The following PREX1 variants were observed in gnomAD, a reference collection of about 807,000 sequenced individuals.
PREX1 encodes the protein phosphatidylinositol 3,4,5-trisphosphate-dependent Rac exchanger 1 protein.
PREX1 carries 41 observed loss-of-function variants against 198.3 expected under a neutral mutation model. That is an observed-to-expected ratio of 0.21 (90% CI 0.16 to 0.27). PREX1 has a LOEUF of 0.27. PREX1 is among the 10% of genes least tolerant of loss of function. PREX1 has a pLI of 1.00. For synonymous variants in PREX1, 843 were observed against 887.2 expected (o/e 0.95, Z 0.89); for missense variants, 1,620 against 2,200.7 (o/e 0.74, Z 5.28).
chr20:48,862,826 A>AT, the PREX1 span, among the ~76,000 whole-genome samples: 3,023 of 125,996 alleles, frequency 0.024, 179 homozygotes, highest in African/African-American at 0.091. Flanking sequence ...AATAAACGTT[A>AT]TTTTTTTTTT....
chr20:48,765,482 T>C (rs1361795998), intron 1 of PREX1, among the ~76,000 whole-genome samples: 1 of 152,194 alleles, frequency 6.6e-6, no homozygotes, highest in African/African-American at 2.4e-5. Flanking sequence ...TGCCTGCATT[T>C]CCAATGAAAC....
intron 7 of PREX1, among the ~76,000 whole-genome samples, chr20:48,697,002 A>C (rs1002057249): frequency 4.8e-5 from 7 of 146,052 alleles, no homozygotes; most frequent in East Asian, 3.9e-4. Context: ...ACACACACAC[A>C]CCCTATTGGG....
intron 1 of PREX1, among the ~76,000 whole-genome samples, chr20:48,810,890 A>G (rs1334017647): frequency 6.6e-6 from 1 of 152,076 alleles, no homozygotes; most frequent in Non-Finnish European, 1.5e-5. Context: ...TCCTCCTCAA[A>G]AAAAAAATAA....
chr20:48,773,690 A>G (rs1293546724), intron 1 of PREX1, among the ~76,000 whole-genome samples: 1 of 152,214 alleles, frequency 6.6e-6, no homozygotes, highest in Non-Finnish European at 1.5e-5. Context: ...AGGTGAGAGC[A>G]GGAAGAAACG....
intron 1 of PREX1, among the ~76,000 whole-genome samples, chr20:48,819,998 G>A (rs2090477398): frequency 1.3e-5 from 2 of 152,204 alleles, no homozygotes. Flanking sequence ...ATGGCCACCT[G>A]CCTGCACCAG....
the PREX1 span, among the ~76,000 whole-genome samples, chr20:48,867,098 A>G: frequency 1.3e-5 from 2 of 152,188 alleles, no homozygotes; most frequent in Non-Finnish European, 2.9e-5. Flanking sequence ...TGCAGCCCAC[A>G]CAACCCCAAC....
chr20:48,883,089 C>T, the PREX1 span, among the ~76,000 whole-genome samples: 11 of 152,074 alleles, frequency 7.2e-5, no homozygotes, highest in African/African-American at 2.7e-4. Context: ...CATGCCACCA[C>T]GCCCAGCTAC....
At chr20:48,777,158 G>A (rs1447841926) in intron 1 of PREX1, among the ~76,000 whole-genome samples, 1 of 152,162 alleles carries the variant, frequency 6.6e-6, no homozygotes, top group African/African-American at 2.4e-5. Context: ...AAGGCACACT[G>A]GGAAGGGGGA....
intron 1 of PREX1, among the ~76,000 whole-genome samples, chr20:48,762,690 G>A (rs2090187369): frequency 6.7e-6 from 1 of 149,056 alleles, no homozygotes; most frequent in Non-Finnish European, 1.5e-5. Flanking sequence ...ACTGCTAATG[G>A]TATGAAGTTT....
At chr20:48,794,329 A>G (rs2090350883) in intron 1 of PREX1, among the ~76,000 whole-genome samples, 1 of 152,232 alleles carries the variant, frequency 6.6e-6, no homozygotes, top group Non-Finnish European at 1.5e-5. Context: ...AGACAGAAAA[A>G]CAGAGAGAGG....
intron 5 of PREX1, among the ~76,000 whole-genome samples, chr20:48,723,673 G>A (rs1018013147): frequency 7.9e-5 from 12 of 152,168 alleles, no homozygotes; most frequent in Admixed American, 3.9e-4. Context: ...CCACCCCATC[G>A]CTTTTCCTGC....
the PREX1 span, among the ~76,000 whole-genome samples, chr20:48,871,755 T>A: frequency 8.2e-6 from 1 of 121,856 alleles, no homozygotes; most frequent in Non-Finnish European, 1.7e-5. Context: ...AATAATAGTC[T>A]ATATTGTGAA....
At chr20:48,871,659 T>C in the PREX1 span, among the ~76,000 whole-genome samples, 1 of 76,548 alleles carries the variant, frequency 1.3e-5, no homozygotes, top group Non-Finnish European at 2.6e-5. Flanking sequence ...GCGTCAGTCC[T>C]GGCTCAACCT....
At chr20:48,869,859 C>T in the PREX1 span, among the ~76,000 whole-genome samples, 1 of 152,012 alleles carries the variant, frequency 6.6e-6, no homozygotes, top group African/African-American at 2.4e-5. Flanking sequence ...GCAGGGTAAG[C>T]GGGGAGAGAG....
chr20:48,634,479 C>A (rs570383721), intron 33 of PREX1, among the ~76,000 whole-genome samples, 197 bp downstream of exon 33: 1 of 152,270 alleles, frequency 6.6e-6, no homozygotes, highest in East Asian at 1.9e-4. Flanking sequence ...CAAAAAGAAA[C>A]CCCTCTTTTT....
chr20:48,835,034 T>C, the PREX1 span, among the ~76,000 whole-genome samples: 152,198 of 152,294 alleles, frequency 1, 76,051 homozygotes, highest in Middle Eastern at 1. Flanking sequence ...GGATTACAGG[T>C]GTGAGCCACT....
At position 48,690,178 on chromosome 20, in the gene PREX1, T is replaced by A. The variant is rs186925241; in HGVS notation, c.1186+769A>T. Among the ~76,000 whole-genome samples, 8 of 152,312 alleles carry A rather than the reference T, an allele frequency of 5.3e-5. No homozygotes were observed. In the East Asian group the frequency reaches 1.3e-3, roughly 26 times the overall value. On this transcript the variant is annotated intron_variant, in intron 9 of 39. Transcript: ENST00000371941. ...CATCTACGACACCTCCAAGTGGCAA[T>A]TTCAAGTAAGCAGGATACACATTTG...
intron 36 of PREX1, 75 bp from the exon 37 acceptor site, chr20:48,629,696 T>C (rs2089299121): frequency 1.4e-6 from 2 of 1,464,788 alleles, no homozygotes; most frequent in Non-Finnish European, 1.9e-6. Flanking sequence ...CTGGCCCTCC[T>C]CCCCCACCAT....
intron 1 of PREX1, among the ~76,000 whole-genome samples, chr20:48,779,760 C>T (rs2090279980): frequency 6.6e-6 from 1 of 152,114 alleles, no homozygotes; most frequent in African/African-American, 2.4e-5. Context: ...AGGTGGTGTA[C>T]AGCATGATTC....
Sources: allele counts gnomAD v4.1 joint callset (sites outside exome capture counted in the v4.1 genomes callset), GRCh38; gene constraint gnomAD v4.1.1; transcripts MANE v1.5; gene names NCBI Gene and HGNC (gene_info 2026-07-23, HGNC 2026-07-21).